Variants in NEK1 observed in about 807,000 individuals in gnomAD.
NEK1 encodes the protein NIMA related kinase 1, also known as serine/threonine-protein kinase Nek1.
In NEK1, 137 loss-of-function variants were observed where a neutral mutation model predicts 182.1. The ratio of observed to expected loss-of-function variants is 0.75; its 90% CI spans 0.65 to 0.87. NEK1 has a LOEUF of 0.87. NEK1 is among the 40% of genes least tolerant of loss of function. NEK1 has a pLI of 0.00. For synonymous variants in NEK1, 513 were observed against 492.2 expected (o/e 1.04, Z -0.56); for missense variants, 1,391 against 1,494.4 (o/e 0.93, Z 1.14).
intron 27 of NEK1, among the ~76,000 whole-genome samples, chr4:169,439,671 AT>A (rs1004581795): frequency 2.0e-5 from 3 of 152,250 alleles, no homozygotes; most frequent in Admixed American, 1.3e-4. Flanking sequence ...AAAATATAGG[AT>A]AAAAATCTAT....
intron 12 of NEK1, among the ~76,000 whole-genome samples, chr4:169,574,745 C>A (rs1158053472): frequency 6.6e-6 from 1 of 151,992 alleles, no homozygotes; most frequent in Non-Finnish European, 1.5e-5. Flanking sequence ...CAGGGAGAGT[C>A]TGGCAATGAG....
In NEK1 at chr4:169,561,674, A is replaced by G; in HGVS notation, c.1191+13T>C. On this transcript the variant is annotated intron_variant, in intron 15 of 35. Transcript: ENST00000507142. The stretch of plus-strand genomic sequence containing the variant: ...CTTAAGAAAAAAGTATATTTAATAG[A>G]TTATCCTCTTACCCTTTCCTTTTCT... The G allele has an allele frequency of 1.3e-6, 2 of 1,566,456 alleles. No homozygotes were observed. Among genetic ancestry groups the G allele is most frequent in the Non-Finnish European group, 1.7e-6 (2 of 1,153,868 alleles).
At chr4:169,558,621 T>C (rs1762477478) in intron 16 of NEK1, among the ~76,000 whole-genome samples, 1 of 152,232 alleles carries the variant, frequency 6.6e-6, no homozygotes, top group Non-Finnish European at 1.5e-5. Context: ...TACTGCCAAA[T>C]GGTATTCCAA....
chr4:169,569,817 G>A (rs917303763), intron 12 of NEK1, among the ~76,000 whole-genome samples: 2 of 152,222 alleles, frequency 1.3e-5, no homozygotes, highest in Non-Finnish European at 2.9e-5. Flanking sequence ...AGGCTGGAGT[G>A]CAGTGTCGTG....
intron 23 of NEK1, among the ~76,000 whole-genome samples, chr4:169,495,842 C>T (rs1406359380): frequency 1.3e-5 from 2 of 152,116 alleles, no homozygotes; most frequent in East Asian, 1.9e-4. Context: ...AGTGTGATGC[C>T]TCCAGCTTTG....
intron 27 of NEK1, among the ~76,000 whole-genome samples, chr4:169,449,643 G>A (rs1741316668): frequency 6.6e-6 from 1 of 151,770 alleles, no homozygotes; most frequent in African/African-American, 2.4e-5. Flanking sequence ...TCAACAAAAA[G>A]GTAATCTACA....
At chr4:169,494,146 C>A (rs1001558449) in intron 23 of NEK1, among the ~76,000 whole-genome samples, 6 of 151,292 alleles carry the variant, frequency 4.0e-5, no homozygotes, top group Admixed American at 1.3e-4. Flanking sequence ...ATGTGCACAA[C>A]GTGCAGGTTT....
chr4:169,577,825 A>T (rs1765962884), intron 11 of NEK1, among the ~76,000 whole-genome samples: 1 of 151,994 alleles, frequency 6.6e-6, no homozygotes, highest in African/African-American at 2.4e-5. Flanking sequence ...TCAAAATCAG[A>T]AGATAATCAA....
intron 27 of NEK1, among the ~76,000 whole-genome samples, chr4:169,447,908 G>A (rs893540668): frequency 2.0e-5 from 3 of 151,954 alleles, no homozygotes; most frequent in African/African-American, 7.3e-5. Context: ...CATTATGTGA[G>A]GTGTGATGGC....
chr4:169,523,628 G>A (rs1756443700), intron 19 of NEK1, among the ~76,000 whole-genome samples: 1 of 152,192 alleles, frequency 6.6e-6, no homozygotes, highest in South Asian at 2.1e-4. Context: ...ATAAATTTGT[G>A]TTGTTGACGC....
chr4:169,553,891 G>A (rs1761776409), intron 18 of NEK1, among the ~76,000 whole-genome samples: 2 of 152,178 alleles, frequency 1.3e-5, no homozygotes, highest in Admixed American at 1.3e-4. Context: ...ACTGCTGGCA[G>A]GAACGCATAA....
chr4:169,515,498 TTC>T (rs1385773717), intron 19 of NEK1, among the ~76,000 whole-genome samples: 4 of 130,106 alleles, frequency 3.1e-5, no homozygotes, highest in South Asian at 4.6e-4. Flanking sequence ...TTGCAATAAC[TTC>T]TTTTTTTTTT....
At chr4:169,593,616 G>A (rs1448471015) in intron 5 of NEK1, among the ~76,000 whole-genome samples, 1 of 152,158 alleles carries the variant, frequency 6.6e-6, no homozygotes, top group African/African-American at 2.4e-5. Flanking sequence ...CATTCCCTTT[G>A]TCTACCCTAG....
intron 23 of NEK1, among the ~76,000 whole-genome samples, chr4:169,490,841 C>T (rs1749923211): frequency 6.6e-6 from 1 of 151,918 alleles, no homozygotes; most frequent in Admixed American, 6.6e-5. Flanking sequence ...ACAGTATGAG[C>T]TCTAGAAAGA....
chr4:169,569,447 CCTCCCTCCCTCT>C (rs1764264553), intron 12 of NEK1, among the ~76,000 whole-genome samples: 1 of 137,746 alleles, frequency 7.3e-6, no homozygotes, highest in South Asian at 2.3e-4. Context: ...TCCCTCTCTC[CCTCCCTCCCTCT>C]CTCCCTCCCT....
At chr4:169,601,142 G>T (rs1051337772) in intron 4 of NEK1, among the ~76,000 whole-genome samples, 10 of 152,208 alleles carry the variant, frequency 6.6e-5, no homozygotes, top group African/African-American at 1.9e-4. Flanking sequence ...GTGACATAAT[G>T]TATTAATTGA....
chr4:169,444,730 A>T (rs2149445372), intron 27 of NEK1, among the ~76,000 whole-genome samples: 1 of 152,338 alleles, frequency 6.6e-6, no homozygotes, highest in South Asian at 2.1e-4. Flanking sequence ...CATTTGATTT[A>T]AACTGCACTT....
chr4:169,509,127 T>C (rs1015715026), intron 19 of NEK1, among the ~76,000 whole-genome samples: 9 of 150,958 alleles, frequency 6.0e-5, no homozygotes, highest in African/African-American at 2.2e-4. Context: ...TTTTGTTTGC[T>C]TGTTTGTTTG....
At chr4:169,566,826 G>A (rs1192510226) in intron 12 of NEK1, among the ~76,000 whole-genome samples, 49 of 152,126 alleles carry the variant, frequency 3.2e-4, no homozygotes, top group Admixed American at 2.8e-3. Context: ...GGGAAAGGCC[G>A]TGTGTGGTGG....
Sources: allele counts gnomAD v4.1 joint callset (sites outside exome capture counted in the v4.1 genomes callset), GRCh38; gene constraint gnomAD v4.1.1; transcripts MANE v1.5; gene names NCBI Gene and HGNC (gene_info 2026-07-23, HGNC 2026-07-21).